Variants in FOXP2 observed in about 807,000 individuals in gnomAD.
The protein encoded by FOXP2 is forkhead box P2.
In FOXP2, 12 loss-of-function variants were observed where a neutral mutation model predicts 115.8. The ratio of observed to expected loss-of-function variants is 0.10; its 90% CI spans 0.07 to 0.17. The LOEUF (loss-of-function observed/expected upper bound fraction) is 0.17, where lower values mean the gene tolerates loss of function less well. Among genes scored for constraint, FOXP2 ranks in the 10% least tolerant of loss-of-function variants. The probability of loss-of-function intolerance (pLI) is 1.00; values close to 1 mark genes in which losing one functional copy is unlikely to be tolerated. For missense variants in FOXP2, 629 were observed against 843.5 expected (o/e 0.75, Z 3.15); for synonymous variants, 328 against 297.7 (o/e 1.10, Z -1.05).
At chr7:114,503,899 T>A (rs1466795936) in intron 2 of FOXP2, among the ~76,000 whole-genome samples, 2 of 151,380 alleles carry the variant, frequency 1.3e-5, no homozygotes, top group Non-Finnish European at 1.5e-5. Flanking sequence ...TATAAATAAA[T>A]TTTACTTTTA....
chr7:114,130,165 A>G (rs1471054537), intron 1 of FOXP2, among the ~76,000 whole-genome samples: 1 of 152,102 alleles, frequency 6.6e-6, no homozygotes, highest in Non-Finnish European at 1.5e-5. Context: ...AAATAAAAAT[A>G]AAATAAAATT....
intron 2 of FOXP2, among the ~76,000 whole-genome samples, chr7:114,394,998 G>A (rs200722326): frequency 6.6e-6 from 1 of 151,838 alleles, no homozygotes; most frequent in African/African-American, 2.4e-5. Context: ...GGTGATGCAG[G>A]AAAAAATTCT....
At chr7:114,120,698 ATGTGTG>A (rs111628410) in intron 1 of FOXP2, among the ~76,000 whole-genome samples, 7 of 149,428 alleles carry the variant, frequency 4.7e-5, no homozygotes, top group Admixed American at 3.3e-4. Context: ...GTGTATATGT[ATGTGTG>A]TGTGTGTGTG....
chr7:114,117,700 C>T (rs1791447854), intron 1 of FOXP2, among the ~76,000 whole-genome samples: 1 of 152,118 alleles, frequency 6.6e-6, no homozygotes, highest in African/African-American at 2.4e-5. Flanking sequence ...AAACCTGGAT[C>T]TCTTATTCCC....
intron 3 of FOXP2, among the ~76,000 whole-genome samples, chr7:114,568,864 T>A (rs1471173782): frequency 6.6e-6 from 1 of 151,898 alleles, no homozygotes; most frequent in African/African-American, 2.4e-5. Flanking sequence ...GGAGTGAGAC[T>A]TATTCTTGTA....
intron 1 of FOXP2, among the ~76,000 whole-genome samples, chr7:114,148,435 G>A (rs141998099): frequency 1.2e-4 from 19 of 152,060 alleles, no homozygotes; most frequent in East Asian, 1.2e-3. Flanking sequence ...TGTAGGCAAC[G>A]TTCACTTATC....
At chr7:114,436,953 T>C (rs1348300703) in intron 2 of FOXP2, among the ~76,000 whole-genome samples, 2 of 152,216 alleles carry the variant, frequency 1.3e-5, no homozygotes, top group Non-Finnish European at 2.9e-5. Flanking sequence ...GCTTAGTTTG[T>C]AATTTTATTT....
chr7:114,100,837 A>G (rs1790924539), intron 1 of FOXP2, among the ~76,000 whole-genome samples: 1 of 152,198 alleles, frequency 6.6e-6, no homozygotes, highest in Non-Finnish European at 1.5e-5. Flanking sequence ...TTTTCTAAGC[A>G]CTTTGTGTGT....
chr7:114,101,088 C>G (rs945953378), intron 1 of FOXP2, among the ~76,000 whole-genome samples: 1 of 152,082 alleles, frequency 6.6e-6, no homozygotes, highest in African/African-American at 2.4e-5. Flanking sequence ...TGTTTTTGTG[C>G]TCTTGTCCCC....
At chr7:114,169,717 T>A (rs1357196375) in intron 1 of FOXP2, among the ~76,000 whole-genome samples, 2 of 91,004 alleles carry the variant, frequency 2.2e-5, no homozygotes, top group Non-Finnish European at 4.8e-5. Flanking sequence ...AATGATATGG[T>A]TTGGCTGTGT....
At chr7:114,101,467 ATT>A (rs1349759907) in intron 1 of FOXP2, among the ~76,000 whole-genome samples, 1 of 152,060 alleles carries the variant, frequency 6.6e-6, no homozygotes, top group African/African-American at 2.4e-5. Flanking sequence ...CAGCTAAGAC[ATT>A]TCTCTGATCT....
chr7:114,192,975 A>G (rs1021596466), intron 1 of FOXP2, among the ~76,000 whole-genome samples: 1 of 152,144 alleles, frequency 6.6e-6, no homozygotes, highest in African/African-American at 2.4e-5. Flanking sequence ...ATAAACACCT[A>G]TGGTCCTTGA....
intron 1 of FOXP2, among the ~76,000 whole-genome samples, chr7:114,260,933 T>C (rs1257870931): frequency 6.6e-6 from 1 of 152,012 alleles, no homozygotes; most frequent in Admixed American, 6.6e-5. Flanking sequence ...TTTTTGACAA[T>C]AAAACAATAG....
chr7:114,520,361 T>G (rs1427811576), intron 2 of FOXP2, among the ~76,000 whole-genome samples: 3 of 152,108 alleles, frequency 2.0e-5, no homozygotes, highest in African/African-American at 7.2e-5. Flanking sequence ...GCATGACCAA[T>G]GTAGTTTAGT....
chr7:114,614,628 T>C (rs1281463160), intron 3 of FOXP2, among the ~76,000 whole-genome samples: 1 of 152,198 alleles, frequency 6.6e-6, no homozygotes, highest in Non-Finnish European at 1.5e-5. Flanking sequence ...TTTTATTTTT[T>C]ACATTTATTT....
At chr7:114,432,603 A>G (rs1794163316) in intron 2 of FOXP2, among the ~76,000 whole-genome samples, 1 of 151,854 alleles carries the variant, frequency 6.6e-6, no homozygotes, top group South Asian at 2.1e-4. Context: ...AAATATCCTA[A>G]AGTTTATGTA....
intron 2 of FOXP2, among the ~76,000 whole-genome samples, chr7:114,364,036 T>C (rs1791817159): frequency 6.6e-6 from 1 of 151,368 alleles, no homozygotes; most frequent in South Asian, 2.1e-4. Flanking sequence ...TTAAACACTA[T>C]CCTAAATTTA....
chr7:114,525,812 T>C (rs922669963), intron 2 of FOXP2, among the ~76,000 whole-genome samples: 4 of 152,098 alleles, frequency 2.6e-5, no homozygotes, highest in Non-Finnish European at 4.4e-5. Context: ...AATTTTCTTA[T>C]TAAAACTTAC....
chr7:114,170,708 C>T (rs1191991698), intron 1 of FOXP2, among the ~76,000 whole-genome samples: 1 of 152,118 alleles, frequency 6.6e-6, no homozygotes, highest in Non-Finnish European at 1.5e-5. Flanking sequence ...AAGAGCATGG[C>T]CCTAACTCTC....
Sources: allele counts gnomAD v4.1 joint callset (sites outside exome capture counted in the v4.1 genomes callset), GRCh38; gene constraint gnomAD v4.1.1; transcripts MANE v1.5; gene names NCBI Gene and HGNC (gene_info 2026-07-23, HGNC 2026-07-21).